The following ERC2 variants were observed in gnomAD, a reference collection of about 807,000 sequenced individuals.
ERC2 encodes the protein ERC protein 2.
Under a neutral mutation model 114.8 loss-of-function variants are expected in ERC2, and 42 were observed. That is an observed-to-expected ratio of 0.37 (90% CI 0.29 to 0.47). ERC2 has a LOEUF of 0.47. Among genes scored for constraint, ERC2 ranks in the 20% least tolerant of loss-of-function variants. ERC2 has a pLI of 0.99. For missense variants in ERC2, 939 were observed against 1,150.7 expected, an observed-to-expected ratio of 0.82 and a Z score of 2.66; for synonymous variants, 454 against 425.5, an observed-to-expected ratio of 1.07 and a Z score of -0.82.
intron 7 of ERC2, among the ~76,000 whole-genome samples, chr3:56,080,523 AC>A (rs2077181794): frequency 6.6e-6 from 1 of 152,154 alleles, no homozygotes; most frequent in Non-Finnish European, 1.5e-5. Context: ...AACTTTTGGG[AC>A]CTTTGGTTAT....
intron 12 of ERC2, among the ~76,000 whole-genome samples, chr3:55,968,478 C>T (rs2068914285): frequency 6.6e-6 from 1 of 152,196 alleles, no homozygotes; most frequent in East Asian, 1.9e-4. Context: ...GAGCTATTTG[C>T]GTAAGAGCCC....
chr3:56,125,968 T>G (rs1322121308), intron 6 of ERC2, among the ~76,000 whole-genome samples: 4 of 152,182 alleles, frequency 2.6e-5, no homozygotes, highest in African/African-American at 9.7e-5. Flanking sequence ...ATATCAAACA[T>G]CGACAAAAGT....
intron 3 of ERC2, among the ~76,000 whole-genome samples, chr3:56,246,617 T>C (rs1437981956): frequency 6.6e-6 from 1 of 152,082 alleles, no homozygotes; most frequent in East Asian, 1.9e-4. Context: ...AAGTGTCTTG[T>C]CTAAGGCCAC....
At chr3:55,830,629 T>A (rs1180551839) in intron 14 of ERC2, among the ~76,000 whole-genome samples, 1 of 152,164 alleles carries the variant, frequency 6.6e-6, no homozygotes, top group Non-Finnish European at 1.5e-5. Flanking sequence ...ACCTGTATAG[T>A]AATCTCTAAA....
chr3:56,426,210 G>A (rs1331743041), intron 2 of ERC2, among the ~76,000 whole-genome samples: 2 of 152,176 alleles, frequency 1.3e-5, no homozygotes, highest in Non-Finnish European at 2.9e-5. Flanking sequence ...TGGAAAGAAG[G>A]GAGCCTGAGA....
chr3:56,281,212 C>T (rs1443509691), intron 3 of ERC2, among the ~76,000 whole-genome samples: 21 of 151,738 alleles, frequency 1.4e-4, no homozygotes, highest in African/African-American at 4.8e-5. Flanking sequence ...CCGAGGCGGG[C>T]GGATCACGAG....
intron 5 of ERC2, among the ~76,000 whole-genome samples, chr3:56,148,550 C>G (rs1266310652): frequency 6.6e-6 from 1 of 152,050 alleles, no homozygotes; most frequent in African/African-American, 2.4e-5. Flanking sequence ...GCCTCCCAAC[C>G]TAATAACATT....
chr3:55,676,589 A>G (rs2061826971), intron 17 of ERC2, among the ~76,000 whole-genome samples: 1 of 150,712 alleles, frequency 6.6e-6, no homozygotes, highest in Non-Finnish European at 1.5e-5. Flanking sequence ...TTTTCCCTCC[A>G]TGTTCCTAAC....
chr3:56,173,600 C>A (rs1463791650), intron 3 of ERC2, 80 bp from the exon 4 acceptor site: 3 of 1,324,292 alleles, frequency 2.3e-6, no homozygotes, highest in Non-Finnish European at 3.2e-6. Flanking sequence ...TACTACACAG[C>A]CTGCTGGGTC....
At chr3:55,945,286 A>G (rs2067054606) in intron 13 of ERC2, among the ~76,000 whole-genome samples, 1 of 152,222 alleles carries the variant, frequency 6.6e-6, no homozygotes, top group African/African-American at 2.4e-5. Context: ...ACAATGATGA[A>G]TCTCTTAACT....
chr3:56,165,095 T>C (rs2082254262), intron 4 of ERC2, among the ~76,000 whole-genome samples: 1 of 151,922 alleles, frequency 6.6e-6, no homozygotes, highest in Non-Finnish European at 1.5e-5. Flanking sequence ...AAACAGAACA[T>C]AATAGAAATA....
chr3:55,553,011 A>ATTTTTTTTTTTTTGTTTTTTT (rs2055328503), intron 17 of ERC2, among the ~76,000 whole-genome samples: 1 of 55,202 alleles, frequency 1.8e-5, no homozygotes, highest in Non-Finnish European at 3.3e-5. Context: ...GGGCTTCCAG[A>ATTTTTTTTTTTTTGTTTTTTT]TTTTTTTTTT....
At position 55,510,724 on chromosome 3, in the gene ERC2, T is replaced by A. The variant is rs956923030; in HGVS notation, c.*592A>T. ...GAGGGTAAAGGCTCGCAATTTTTGG[T>A]GTTTTTTGTTTCTTCGTCAAACACT... On this transcript the variant is annotated 3_prime_UTR_variant, in exon 18 of 18. Coordinates refer to ENST00000288221, the MANE Select transcript of ERC2 (RefSeq NM_015576.3). 1 of 152,488 alleles carries A rather than the reference T, an allele frequency of 6.6e-6. No individual in the cohort carries two copies. The highest frequency in any genetic ancestry group is 1.5e-5 in the Non-Finnish European group (1 of 68,022). 9.4% of individuals were successfully genotyped at this position (152,488 alleles called of 1,614,324 possible). A position where few individuals can be genotyped will look rare whatever the true frequency, so the allele number is the denominator to read the frequency against.
intron 17 of ERC2, among the ~76,000 whole-genome samples, chr3:55,538,908 T>C (rs1370513145): frequency 1.3e-5 from 2 of 152,168 alleles, no homozygotes; most frequent in Non-Finnish European, 2.9e-5. Context: ...TAAATTAATG[T>C]TTAACAATTA....
chr3:55,629,674 G>A (rs1317419994), intron 17 of ERC2, among the ~76,000 whole-genome samples: 3 of 152,186 alleles, frequency 2.0e-5, no homozygotes, highest in Non-Finnish European at 4.4e-5. Context: ...GCTTGCGATG[G>A]TAAACCACAT....
chr3:55,888,701 T>C lies in ERC2; in HGVS notation c.2404-152A>G, dbSNP rs1054453117. On this transcript the variant is annotated intron_variant, in intron 13 of 17. Coordinates refer to ENST00000288221, the MANE Select transcript of ERC2 (RefSeq NM_015576.3). ...CTTGGAGCCCTTTCTTTCTTTGTCATTGAAACTATGAAAATGCAAATGCCT... is the reference window on the plus strand; with the variant it reads ...CTTGGAGCCCTTTCTTTCTTTGTCACTGAAACTATGAAAATGCAAATGCCT... Among the ~76,000 whole-genome samples, 8 of 152,164 alleles carry C rather than the reference T, an allele frequency of 5.3e-5. No individual in the cohort carries two copies. In the South Asian group the frequency reaches 6.2e-4, roughly 12 times the overall value.
At chr3:55,808,079 T>C (rs960908713) in intron 14 of ERC2, among the ~76,000 whole-genome samples, 4 of 152,152 alleles carry the variant, frequency 2.6e-5, no homozygotes, top group African/African-American at 9.7e-5. Context: ...ATAGAAAACC[T>C]AATAAATCAT....
chr3:56,094,584 C>T (rs2077957902), intron 6 of ERC2, among the ~76,000 whole-genome samples: 1 of 152,172 alleles, frequency 6.6e-6, no homozygotes, highest in African/African-American at 2.4e-5. Context: ...TAAAATTTTG[C>T]TCAATGACTT....
At chr3:55,825,416 C>A (rs1300379190) in intron 14 of ERC2, among the ~76,000 whole-genome samples, 1 of 152,182 alleles carries the variant, frequency 6.6e-6, no homozygotes, top group Non-Finnish European at 1.5e-5. Flanking sequence ...ATGATCTGAA[C>A]CTCCAAGGGT....
Sources: allele counts gnomAD v4.1 joint callset (sites outside exome capture counted in the v4.1 genomes callset), GRCh38; gene constraint gnomAD v4.1.1; transcripts MANE v1.5; gene names NCBI Gene and HGNC (gene_info 2026-07-23, HGNC 2026-07-21).